VPS54: variants seen among roughly 807,000 people sequenced by gnomAD.
VPS54 encodes the protein vacuolar protein sorting-associated protein 54.
VPS54 carries 45 observed loss-of-function variants against 121.5 expected under a neutral mutation model. That is an observed-to-expected ratio of 0.37 (90% CI 0.29 to 0.47). VPS54 has a LOEUF of 0.47. Ranked by LOEUF, VPS54 falls within the 20% of genes least tolerant of loss-of-function variation. The probability of loss-of-function intolerance (pLI) is 0.99; values close to 1 mark genes in which losing one functional copy is unlikely to be tolerated. For missense variants in VPS54, 1,090 were observed against 1,131.4 expected (o/e 0.96, Z 0.52); for synonymous variants, 371 against 385.8 (o/e 0.96, Z 0.45).
At chr2:63,979,511 G>C (rs1368462906) in intron 3 of VPS54, among the ~76,000 whole-genome samples, 2 of 152,106 alleles carry the variant, frequency 1.3e-5, no homozygotes, top group Non-Finnish European at 2.9e-5. Flanking sequence ...AAAGTGCTGG[G>C]ATTACAGGCA....
rs72808265 is a variant in VPS54, at chr2:63,978,073, T to A, written c.378+3573A>T. On this transcript the variant is annotated intron_variant, in intron 3 of 22. Transcript: ENST00000272322. Reference sequence around the variant, plus strand: ...GGAGGGGAAGCATTCTATGATCTTATGATTAGGTTTCAGTCTTAGTGAGCC... The same window carrying A: ...GGAGGGGAAGCATTCTATGATCTTAAGATTAGGTTTCAGTCTTAGTGAGCC... 8.3e-3 allele frequency among the ~76,000 whole-genome samples: 1,269 copies of A among 152,340 alleles called. 7 individuals are homozygous for A. The highest frequency in any genetic ancestry group is 0.01 in the Non-Finnish European group (684 of 68,038).
intron 7 of VPS54, among the ~76,000 whole-genome samples, chr2:63,956,012 ATACTTTC>A (rs1224750955): frequency 6.6e-6 from 1 of 152,152 alleles, no homozygotes; most frequent in Non-Finnish European, 1.5e-5. Context: ...AACAATCCCA[ATACTTTC>A]TACTTAGATA....
intron 6 of VPS54, 26 bp from the exon 7 acceptor site, chr2:63,962,469 G>A: frequency 6.3e-7 from 1 of 1,577,784 alleles, no homozygotes; most frequent in East Asian, 2.2e-5. Context: ...AAAAAAATAT[G>A]AAGTACTATG....
At chr2:63,897,218 G>A (rs1368363939) in intron 22 of VPS54, among the ~76,000 whole-genome samples, 1 of 152,084 alleles carries the variant, frequency 6.6e-6, no homozygotes, top group African/African-American at 2.4e-5. Flanking sequence ...TTTGGAATAG[G>A]GAAAGCTATT....
chr2:63,967,072 C>A (rs1676034604), intron 5 of VPS54, among the ~76,000 whole-genome samples: 1 of 152,060 alleles, frequency 6.6e-6, no homozygotes, highest in Admixed American at 6.6e-5. Context: ...CTCTGGAGAC[C>A]ATATGTTCTT....
intron 1 of VPS54, among the ~76,000 whole-genome samples, chr2:64,009,077 T>C (rs1386296313): frequency 6.6e-6 from 1 of 152,204 alleles, no homozygotes; most frequent in Non-Finnish European, 1.5e-5. Context: ...TGCCTCTGTC[T>C]CTGCACCAAT....
At chr2:63,914,483 G>A (rs1673290924) in intron 16 of VPS54, among the ~76,000 whole-genome samples, 196 bp from the exon 17 acceptor site, 1 of 152,164 alleles carries the variant, frequency 6.6e-6, no homozygotes, top group African/African-American at 2.4e-5. Flanking sequence ...GAGGTGTCTA[G>A]AATGCAAAAT....
chr2:63,920,328 T>TA (rs1169522020), intron 14 of VPS54, 118 bp downstream of exon 14: 6 of 976,054 alleles, frequency 6.1e-6, no homozygotes, highest in African/African-American at 5.1e-5. Context: ...TGCCTTTAAT[T>TA]AAAAAAACCT....
intron 16 of VPS54, among the ~76,000 whole-genome samples, chr2:63,916,093 T>C (rs1386291151): frequency 6.6e-6 from 1 of 152,156 alleles, no homozygotes; most frequent in African/African-American, 2.4e-5. Context: ...GAATTCTGGC[T>C]CCATTTGGGT....
chr2:63,940,586 T>C (rs1489584628), intron 11 of VPS54, among the ~76,000 whole-genome samples: 6 of 152,204 alleles, frequency 3.9e-5, no homozygotes, highest in Admixed American at 1.3e-4. Flanking sequence ...TAACACTGTT[T>C]CCTTCAGTGT....
At position 63,949,136 on chromosome 2, in the gene VPS54, T is replaced by C. The variant is rs757002821; in HGVS notation, c.1038A>G (p.Leu346=). 1.9e-6 allele frequency: 3 copies of C among 1,611,038 alleles called. No individual in the cohort carries two copies. Among genetic ancestry groups the C allele is most frequent in the Non-Finnish European group, 2.5e-6 (3 of 1,179,364 alleles). ...TCATCATTTTATCTATCAGTTTTTC[T>C]AATTCACAAAGCTGTGATCCCAAAT... ...FRHLGSQLCE[L]EKLIDKMMIA... Residue 346 remains leucine, a synonymous_variant, in exon 8 of 23, where the codon TTA becomes TTG. Coordinates refer to ENST00000272322, the MANE Select transcript of VPS54 (RefSeq NM_016516.3).
At chr2:63,930,295 C>T (rs146794674) in intron 12 of VPS54, among the ~76,000 whole-genome samples, 2,679 of 152,226 alleles carry the variant, frequency 0.018, 36 homozygotes, top group Non-Finnish European at 0.022. Context: ...TCCAGCAGCA[C>T]ATCGAAAAGC....
chr2:63,958,980 A>G (rs556145166), intron 7 of VPS54, among the ~76,000 whole-genome samples: 15 of 152,272 alleles, frequency 9.9e-5, no homozygotes, highest in African/African-American at 3.6e-4. Flanking sequence ...TCCTAATGGG[A>G]GAGTGTAATT....
rs189315510 is a variant in VPS54 at position 63,902,465 on chromosome 2, T to C, written c.2626-2884A>G. On this transcript the variant is annotated intron_variant, in intron 20 of 22. Transcript: ENST00000272322. ...GATTCAAACCATAACAAACATAGCC[T>C]GACAGAAGAGGCATGTCCATTTCCA... Among the ~76,000 whole-genome samples, 63 of 152,234 alleles carry C rather than the reference T, an allele frequency of 4.1e-4. 2 individuals are homozygous for C. In the South Asian group the frequency reaches 0.01, roughly 25 times the overall value.
chr2:63,905,430 A>G (rs1672862617), intron 20 of VPS54, among the ~76,000 whole-genome samples: 1 of 152,128 alleles, frequency 6.6e-6, no homozygotes, highest in Non-Finnish European at 1.5e-5. Context: ...CCAAGTTAAT[A>G]ACAGATGAAA....
intron 20 of VPS54, among the ~76,000 whole-genome samples, chr2:63,905,464 A>G (rs1210880927): frequency 6.6e-6 from 1 of 152,106 alleles, no homozygotes; most frequent in Non-Finnish European, 1.5e-5. Context: ...TCAAAGAAAC[A>G]AACTTCCAAA....
At chr2:63,950,763 T>C (rs1355031530) in intron 7 of VPS54, among the ~76,000 whole-genome samples, 2 of 152,198 alleles carry the variant, frequency 1.3e-5, no homozygotes, top group Non-Finnish European at 2.9e-5. Context: ...TCTTCCTTGC[T>C]AATAAATGTT....
chr2:63,944,780 C>A, intron 9 of VPS54, 125 bp from the exon 10 acceptor site: 1 of 700,304 alleles, frequency 1.4e-6, no homozygotes, highest in Non-Finnish European at 2.3e-6. Context: ...CAAAAAAGGA[C>A]ATACATGTGG....
At chr2:63,993,850 T>C (rs186096057) in intron 1 of VPS54, among the ~76,000 whole-genome samples, 60 of 152,356 alleles carry the variant, frequency 3.9e-4, no homozygotes, top group African/African-American at 1.4e-3. Flanking sequence ...ATGCTGGTTA[T>C]GTAGGTCCTA....
Sources: allele counts gnomAD v4.1 joint callset (sites outside exome capture counted in the v4.1 genomes callset), GRCh38; gene constraint gnomAD v4.1.1; transcripts MANE v1.5; gene names NCBI Gene and HGNC (gene_info 2026-07-23, HGNC 2026-07-21).